Variants in MICU3 observed in about 807,000 individuals in gnomAD.
MICU3 encodes the protein calcium uptake protein 3, mitochondrial.
A neutral mutation model predicts 66.5 loss-of-function variants in MICU3; 62 were observed. That is an observed-to-expected ratio of 0.93 (90% confidence interval 0.76 to 1.15). MICU3 has a LOEUF of 1.15. Among genes scored for constraint, MICU3 ranks in the 50% most tolerant of loss-of-function variants. The pLI is 0.00. For synonymous variants in MICU3, 308 were observed against 240.7 expected (o/e 1.28, Z -2.59); for missense variants, 779 against 664.4 (o/e 1.17, Z -1.90).
downstream of MICU3, among the ~76,000 whole-genome samples, chr8:17,123,399 A>G (rs1803313929): frequency 6.6e-6 from 1 of 152,162 alleles, no homozygotes; most frequent in African/African-American, 2.4e-5. Flanking sequence ...AATAGAAAAG[A>G]TAAGAGAATG....
intron 1 of MICU3, among the ~76,000 whole-genome samples, chr8:17,045,095 A>G (rs1814835533): frequency 6.6e-6 from 1 of 151,970 alleles, no homozygotes; most frequent in Non-Finnish European, 1.5e-5. Context: ...GGTATCTGCT[A>G]GTCTTTGTTA....
chr8:17,111,516 T>G (rs1052038357), intron 11 of MICU3, among the ~76,000 whole-genome samples: 23 of 152,114 alleles, frequency 1.5e-4, no homozygotes, highest in African/African-American at 5.6e-4. Context: ...AATGTACATG[T>G]TTTTAGTTTG....
chr8:17,086,282 C>G (rs1336165840), intron 6 of MICU3, among the ~76,000 whole-genome samples: 1 of 151,980 alleles, frequency 6.6e-6, no homozygotes, highest in Non-Finnish European at 1.5e-5. Flanking sequence ...CATTCTTTTT[C>G]TTAGTAGGAA....
intron 13 of MICU3, 94 bp from the exon 14 acceptor site, chr8:17,118,613 C>A: frequency 1.3e-6 from 1 of 795,012 alleles, no homozygotes. Flanking sequence ...CTCTCCACTT[C>A]TATGAGTTTG....
intron 2 of MICU3, among the ~76,000 whole-genome samples, chr8:17,066,193 TAATA>T (rs1205297438): frequency 1.3e-5 from 2 of 152,040 alleles, no homozygotes; most frequent in Non-Finnish European, 2.9e-5. Context: ...ACTAATTTGC[TAATA>T]AATATAGAGA....
chr8:17,041,327 T>C (rs1484568774), intron 1 of MICU3, among the ~76,000 whole-genome samples: 1 of 151,690 alleles, frequency 6.6e-6, no homozygotes, highest in Non-Finnish European at 1.5e-5. Flanking sequence ...ATACTATATT[T>C]TCGGAAAGGA....
At chr8:17,126,592 A>G (rs1803410467), downstream of MICU3, among the ~76,000 whole-genome samples, 1 of 152,204 alleles carries the variant, frequency 6.6e-6, no homozygotes, top group South Asian at 2.1e-4. Flanking sequence ...TTGAACTATT[A>G]GAGTATTGTT....
chr8:17,135,175 T>C, the MICU3 span, among the ~76,000 whole-genome samples: 1 of 152,070 alleles, frequency 6.6e-6, no homozygotes, highest in Non-Finnish European at 1.5e-5. Flanking sequence ...CCAGGGCAGG[T>C]GGACCACAAG....
intron 5 of MICU3, 78 bp from the exon 6 acceptor site, chr8:17,085,158 C>G (rs1799334220): frequency 7.6e-6 from 7 of 926,814 alleles, no homozygotes; most frequent in Non-Finnish European, 1.2e-5. Flanking sequence ...ATATGAGTAA[C>G]TTTACAACTA....
In MICU3 at chr8:17,033,252, G is replaced by A. The variant is rs542025996; in HGVS notation, c.381+5592G>A. ...TAGGTCTCTTGTGGAAAGAGTTAGC[G>A]AAGTTGTGAATGCAGCGGAAAAGTT... On this transcript the variant is annotated intron_variant, in intron 1 of 14. Coordinates refer to ENST00000318063, the MANE Select transcript of MICU3 (RefSeq NM_181723.3). Among the ~76,000 whole-genome samples, 10 of 152,280 alleles carry A rather than the reference G, an allele frequency of 6.6e-5. No homozygotes were observed. In the South Asian group the frequency reaches 8.3e-4, roughly 13 times the overall value.
chr8:17,116,530 A>C lies in MICU3; in HGVS notation c.1454A>C (p.Asp485Ala). Residue 485 changes from aspartate to alanine, a missense_variant, in exon 13 of 15, where the codon GAC (aspartate) becomes GCC (alanine). Physicochemically the swap from Asp to Ala is moderately radical, Grantham distance 126. Coordinates refer to ENST00000318063, the MANE Select transcript of MICU3 (RefSeq NM_181723.3). Reference sequence around the variant, plus strand: ...ACTGTCTTCAAGATTTTTGATGTTGACAAAGATGATCAATTAAGTTATAAA... The same window carrying C: ...ACTGTCTTCAAGATTTTTGATGTTGCCAAAGATGATCAATTAAGTTATAAA... ...VNTVFKIFDV[D>A]KDDQLSYKEF... 1 of 1,570,588 alleles carries C rather than the reference A, an allele frequency of 6.4e-7. No individual in the cohort carries two copies. Among genetic ancestry groups the C allele is most frequent in the Non-Finnish European group, 8.6e-7 (1 of 1,165,124 alleles).
intron 4 of MICU3, among the ~76,000 whole-genome samples, chr8:17,079,871 A>G (rs966898849): frequency 6.6e-6 from 1 of 152,148 alleles, no homozygotes; most frequent in Non-Finnish European, 1.5e-5. Flanking sequence ...TTTAAATAAT[A>G]AAAAAATTGA....
At chr8:17,030,158 T>C (rs1305590703) in intron 1 of MICU3, among the ~76,000 whole-genome samples, 1 of 152,362 alleles carries the variant, frequency 6.6e-6, no homozygotes, top group East Asian at 1.9e-4. Context: ...ATTATAACTT[T>C]GTTTTGCCTT....
chr8:17,052,970 C>T (rs1816348656), intron 1 of MICU3, among the ~76,000 whole-genome samples: 1 of 152,052 alleles, frequency 6.6e-6, no homozygotes, highest in Non-Finnish European at 1.5e-5. Context: ...AATGTTGGTA[C>T]AGTTGCCAAC....
chr8:17,124,476 A>G (rs1308529532), downstream of MICU3, among the ~76,000 whole-genome samples: 2 of 152,010 alleles, frequency 1.3e-5, no homozygotes, highest in African/African-American at 2.4e-5. Flanking sequence ...TATGTTAGAA[A>G]TGCCTGCTGG....
chr8:17,097,994 C>A (rs1356222242), intron 8 of MICU3, among the ~76,000 whole-genome samples: 2 of 151,686 alleles, frequency 1.3e-5, no homozygotes, highest in African/African-American at 4.8e-5. Context: ...AACTTTGTTT[C>A]TGTAAAGTAT....
chr8:17,120,673 G>T lies in MICU3; in HGVS notation c.*386G>T, dbSNP rs924205764. 6.6e-6 allele frequency: 1 copy of T among 152,078 alleles called. No homozygotes were observed. The highest frequency in any genetic ancestry group is 2.4e-5 in the African/African-American group (1 of 41,334). 9.4% of individuals were successfully genotyped at this position (152,078 alleles called of 1,614,324 possible). ...ATTTATGACTCATGGAATGTTGATC[G>T]CCTAAAAATGAACATCGCATTTTCT... On this transcript the variant is annotated 3_prime_UTR_variant, in exon 15 of 15. Transcript: ENST00000318063.
At chr8:17,033,620 G>A (rs1262837636) in intron 1 of MICU3, among the ~76,000 whole-genome samples, 1 of 152,042 alleles carries the variant, frequency 6.6e-6, no homozygotes, top group African/African-American at 2.4e-5. Context: ...TGTATTTTTA[G>A]TAGAGACGGG....
intron 1 of MICU3, among the ~76,000 whole-genome samples, chr8:17,052,606 A>C (rs2150574935): frequency 6.6e-6 from 1 of 152,258 alleles, no homozygotes; most frequent in East Asian, 1.9e-4. Context: ...ACTTTTAAAA[A>C]CTTTGATCTC....
Sources: allele counts gnomAD v4.1 joint callset (sites outside exome capture counted in the v4.1 genomes callset), GRCh38; gene constraint gnomAD v4.1.1; transcripts MANE v1.5; gene names NCBI Gene and HGNC (gene_info 2026-07-23, HGNC 2026-07-21).